The following RAB2A variants were observed in gnomAD, a reference collection of about 807,000 sequenced individuals.
The protein encoded by RAB2A is ras-related protein Rab-2A.
RAB2A carries 7 observed loss-of-function variants against 32.5 expected under a neutral mutation model. The ratio of observed to expected loss-of-function variants is 0.22; its 90% CI spans 0.12 to 0.40. RAB2A has a LOEUF of 0.40. Among genes scored for constraint, RAB2A ranks in the 10% least tolerant of loss-of-function variants. The pLI is 1.00. For synonymous variants in RAB2A, 79 were observed against 85.2 expected (o/e 0.93, Z 0.40); for missense variants, 108 against 260.7 (o/e 0.41, Z 4.03).
chr8:60,549,554 CATGGAATG>C (rs962032008), intron 1 of RAB2A, among the ~76,000 whole-genome samples: 2 of 149,970 alleles, frequency 1.3e-5, no homozygotes, highest in African/African-American at 4.9e-5. Flanking sequence ...AGCTACTTCA[CATGGAATG>C]GCAAAGGACG....
At chr8:60,535,444 A>G (rs1485537937) in intron 1 of RAB2A, among the ~76,000 whole-genome samples, 5 of 152,196 alleles carry the variant, frequency 3.3e-5, no homozygotes, top group African/African-American at 1.2e-4. Context: ...GGATTATACA[A>G]TCACTACTGT....
At chr8:60,517,531 G>A (rs1043925479) in intron 1 of RAB2A, among the ~76,000 whole-genome samples, 1 of 152,140 alleles carries the variant, frequency 6.6e-6, no homozygotes, top group African/African-American at 2.4e-5. Context: ...GTGACAGGAG[G>A]GGAGGCCTAG....
intron 6 of RAB2A, among the ~76,000 whole-genome samples, chr8:60,606,159 C>A (rs757873404): frequency 2.4e-4 from 37 of 151,874 alleles, no homozygotes; most frequent in Non-Finnish European, 4.9e-4. Context: ...AGAAAACAAA[C>A]AAACAAACAA....
intron 1 of RAB2A, among the ~76,000 whole-genome samples, chr8:60,536,295 C>T (rs1807555174): frequency 6.9e-6 from 1 of 145,546 alleles, no homozygotes; most frequent in Admixed American, 6.9e-5. Context: ...TTCTTTGGCT[C>T]TTGTTAATTT....
chr8:60,523,071 A>G (rs778596046), intron 1 of RAB2A, among the ~76,000 whole-genome samples: 12 of 152,178 alleles, frequency 7.9e-5, no homozygotes, highest in Non-Finnish European at 1.5e-4. Context: ...TGTAGCATGC[A>G]TATAAAAGAA....
In RAB2A at chr8:60,579,953, A is replaced by C. The variant is rs112938752; in HGVS notation, c.187-4255A>C. Among the ~76,000 whole-genome samples the C allele has an allele frequency of 4.1e-3, 599 of 147,770 alleles. 7 individuals carry two copies. The highest frequency in any genetic ancestry group is 0.014 in the African/African-American group (578 of 40,086). ...TAGGTTAACATTTTTGTTTCACTTA[A>C]AACAATATAGGTCAATCCGAGTTTG... On this transcript the variant is annotated intron_variant, in intron 3 of 7. Transcript: ENST00000262646.
At position 60,565,702 on chromosome 8, in the gene RAB2A, T is replaced by A. The variant is rs1400551480; in HGVS notation, c.119-6344T>A. On this transcript the variant is annotated intron_variant, in intron 2 of 7. Transcript: ENST00000262646. ...TTTTTTTTTTTTTTTTTTTTTTTTT[T>A]TTTTTTTTTTTTTTTTTTTTTTTTT... 3.0e-3 allele frequency among the ~76,000 whole-genome samples: 126 copies of A among 42,222 alleles called. 18 individuals are homozygous for A. The highest frequency in any genetic ancestry group is 0.013 in the African/African-American group (122 of 9,614). The allele number at this position is 42,222 out of a possible 152,430, so 27.7% of individuals were successfully genotyped here.
Position 60,623,055 on chromosome 8 carries a change from G to A in RAB2A, c.*2286G>A, listed in dbSNP as rs1030127316. 2 of 152,062 alleles carry A rather than the reference G, an allele frequency of 1.3e-5. No individual in the cohort carries two copies. The highest frequency in any genetic ancestry group is 2.9e-5 in the Non-Finnish European group (2 of 68,020). 9.4% of individuals were successfully genotyped at this position (152,062 alleles called of 1,614,324 possible). ...TAGCATCTATGGACATAGAAAATCA[G>A]TCACTGAAAAAAATAAACACAGCTT... On this transcript the variant is annotated 3_prime_UTR_variant, in exon 8 of 8. Coordinates refer to ENST00000262646, the MANE Select transcript of RAB2A (RefSeq NM_002865.3).
At chr8:60,602,721 G>A (rs1804154526) in intron 6 of RAB2A, among the ~76,000 whole-genome samples, 1 of 152,188 alleles carries the variant, frequency 6.6e-6, no homozygotes, top group Non-Finnish European at 1.5e-5. Context: ...AGGCATGCAT[G>A]GCCCATTGAT....
At chr8:60,577,792 A>ATTTTTTTTTTTTTTTT (rs3055112) in intron 3 of RAB2A, among the ~76,000 whole-genome samples, 8 of 112,944 alleles carry the variant, frequency 7.1e-5, no homozygotes, top group East Asian at 2.7e-4. Context: ...CGCCCGGCTA[A>ATTTTTTTTTTTTTTTT]TTTTTTTTTT....
intron 2 of RAB2A, among the ~76,000 whole-genome samples, chr8:60,567,056 G>C (rs1180991964): frequency 6.6e-6 from 1 of 151,110 alleles, no homozygotes; most frequent in African/African-American, 2.4e-5. Flanking sequence ...TTAGACCCCT[G>C]TATGTAAGCA....
chr8:60,521,175 A>G (rs977595735), intron 1 of RAB2A, among the ~76,000 whole-genome samples: 17 of 152,218 alleles, frequency 1.1e-4, no homozygotes, highest in African/African-American at 4.1e-4. Context: ...CTTAGATGCC[A>G]GGGTACACCA....
At chr8:60,620,642 C>A in intron 7 of RAB2A, 32 bp from the exon 8 acceptor site, 3 of 1,441,640 alleles carry the variant, frequency 2.1e-6, no homozygotes, top group South Asian at 2.3e-5. Context: ...ATTGTCTGGT[C>A]ATATTTATTG....
Position 60,576,294 on chromosome 8 carries a change from A to G in RAB2A, c.186+4181A>G, listed in dbSNP as rs553177570. ...TTCTGTTCATTGGCAGAAAAAAGGC[A>G]GAGGTATGTTCTCACTGTTAGACCC... On this transcript the variant is annotated intron_variant, in intron 3 of 7. Transcript: ENST00000262646. The G allele has an allele frequency of 1.5e-4, 67 of 456,336 alleles. 1 individual carries two copies. Among genetic ancestry groups the G allele is most frequent in the South Asian group, 9.6e-4 (62 of 64,572 alleles). The allele number at this position is 456,336 out of a possible 1,614,324, so 28.3% of individuals were successfully genotyped here. A position where few individuals can be genotyped will look rare whatever the true frequency, so the allele number is the denominator to read the frequency against.
In RAB2A at chr8:60,584,227, G is replaced by A. The variant is rs1451614899; in HGVS notation, c.206G>A (p.Arg69His). ...IWDTAGQESF[R>H]SITRSYYRGA... ...TTACAGGCAGGGCAAGAATCCTTTCGTTCCATCACAAGGTCGTATTACAGA... is the reference window on the plus strand; with the variant it reads ...TTACAGGCAGGGCAAGAATCCTTTCATTCCATCACAAGGTCGTATTACAGA... The change falls in exon 4 of 8, where the codon CGT becomes CAT. Residue 69 changes from arginine (R) to histidine (H), a missense_variant. Arg to His is a conservative substitution (Grantham distance 29, BLOSUM62 0). Around this residue, in one of 4 missense-constraint regions of RAB2A, gnomAD observed 79 missense variants for 199.8 expected, o/e 0.40. Transcript: ENST00000262646. 1.2e-6 allele frequency: 2 copies of A among 1,607,668 alleles called. No homozygotes were observed. The highest frequency in any genetic ancestry group is 8.5e-7 in the Non-Finnish European group (1 of 1,174,450).
chr8:60,534,812 C>T (rs902543887), intron 1 of RAB2A, among the ~76,000 whole-genome samples: 14 of 152,174 alleles, frequency 9.2e-5, no homozygotes, highest in African/African-American at 3.4e-4. Flanking sequence ...CTCTGGATAT[C>T]TGCATTAAGG....
intron 1 of RAB2A, chr8:60,558,451 A>G (rs571136980): frequency 1.6e-5 from 8 of 514,166 alleles, no homozygotes; most frequent in Non-Finnish European, 2.7e-5. Flanking sequence ...TTGCTGGCTT[A>G]TTTGTTTGTT....
intron 1 of RAB2A, among the ~76,000 whole-genome samples, chr8:60,554,462 A>G (rs1187898415): frequency 2.2e-4 from 33 of 152,194 alleles, no homozygotes; most frequent in Admixed American, 2.2e-3. Flanking sequence ...TATCATGGGT[A>G]GGGTGAATCA....
At chr8:60,524,320 C>T (rs1807346454) in intron 1 of RAB2A, among the ~76,000 whole-genome samples, 1 of 152,152 alleles carries the variant, frequency 6.6e-6, no homozygotes, top group African/African-American at 2.4e-5. Flanking sequence ...TGAGCAGACC[C>T]TAATTTTGCC....
Sources: allele counts gnomAD v4.1 joint callset (sites outside exome capture counted in the v4.1 genomes callset), GRCh38; gene constraint gnomAD v4.1.1; regional missense constraint gnomAD v4.1.1; transcripts MANE v1.5; gene names NCBI Gene and HGNC (gene_info 2026-07-23, HGNC 2026-07-21).